Variants in KCNIP1 observed in about 807,000 individuals in gnomAD.
The protein encoded by KCNIP1 is A-type potassium channel modulatory protein KCNIP1.
KCNIP1 carries 18 observed loss-of-function variants against 33.0 expected under a neutral mutation model. The ratio of observed to expected loss-of-function variants is 0.55; its 90% CI spans 0.38 to 0.81. KCNIP1 has a LOEUF of 0.81. KCNIP1 is among the 30% of genes least tolerant of loss of function. KCNIP1 has a pLI of 0.00. For synonymous variants in KCNIP1, 93 were observed against 98.3 expected, an observed-to-expected ratio of 0.95 and a Z score of 0.32; for missense variants, 238 against 271.6, an observed-to-expected ratio of 0.88 and a Z score of 0.87.
chr5:170,409,495 C>A (rs1365103225), intron 1 of KCNIP1, among the ~76,000 whole-genome samples: 7 of 152,188 alleles, frequency 4.6e-5, no homozygotes, highest in African/African-American at 1.2e-4. Flanking sequence ...AAACAGTACC[C>A]CATGAATAAG....
chr5:170,455,262 C>G (rs1166625607), intron 1 of KCNIP1, among the ~76,000 whole-genome samples: 1 of 150,242 alleles, frequency 6.7e-6, no homozygotes, highest in Non-Finnish European at 1.5e-5. Context: ...CAACAGAAGT[C>G]TTCCTCCTCC....
At chr5:170,572,039 A>G (rs1011813770) in intron 1 of KCNIP1, among the ~76,000 whole-genome samples, 1 of 152,146 alleles carries the variant, frequency 6.6e-6, no homozygotes, top group African/African-American at 2.4e-5. Context: ...GTCTACTTGT[A>G]GGAACAATGA....
At chr5:170,604,664 G>A (rs922830024) in intron 1 of KCNIP1, among the ~76,000 whole-genome samples, 1 of 152,192 alleles carries the variant, frequency 6.6e-6, no homozygotes, top group Admixed American at 6.5e-5. Flanking sequence ...GGTATGTAGT[G>A]GAAGCTGGAG....
At chr5:170,372,356 C>T (rs1028770685) in intron 1 of KCNIP1, among the ~76,000 whole-genome samples, 1 of 152,108 alleles carries the variant, frequency 6.6e-6, no homozygotes, top group Non-Finnish European at 1.5e-5. Context: ...CCCAGAAGCC[C>T]CCCAAACCCT....
At chr5:170,545,972 A>T (rs1006804623) in intron 1 of KCNIP1, among the ~76,000 whole-genome samples, 3 of 152,256 alleles carry the variant, frequency 2.0e-5, no homozygotes, top group African/African-American at 4.8e-5. Context: ...CAGCTGATAC[A>T]TTCCACCAGA....
In KCNIP1 at chr5:170,623,623, A is replaced by C. The variant is rs1202065029; in HGVS notation, c.62-95135A>C. ...TCTCCCCTCAGACGAAACCGATGCG[A>C]AAAGTGCTTCATGAAGTTTCAGGTA... On this transcript the variant is annotated intron_variant, in intron 1 of 7. Transcript: ENST00000328939. Among the ~76,000 whole-genome samples, 9 of 152,152 alleles carry C rather than the reference A, an allele frequency of 5.9e-5. 1 individual carries two copies. Among genetic ancestry groups the C allele is most frequent in the Admixed American group, 5.9e-4 (9 of 15,274 alleles).
intron 1 of KCNIP1, among the ~76,000 whole-genome samples, chr5:170,410,303 G>A (rs1366998053): frequency 1.7e-5 from 2 of 115,996 alleles, no homozygotes; most frequent in African/African-American, 7.5e-5. Flanking sequence ...CCCCACTCAG[G>A]AGATCGCAGA....
At chr5:170,732,606 A>C (rs1344988658) in intron 5 of KCNIP1, among the ~76,000 whole-genome samples, 194 bp from the exon 6 acceptor site, 4 of 152,014 alleles carry the variant, frequency 2.6e-5, no homozygotes, top group African/African-American at 9.7e-5. Context: ...ATTGTCTACC[A>C]TCTCCTCTCT....
At chr5:170,572,482 C>T (rs1026609859) in intron 1 of KCNIP1, among the ~76,000 whole-genome samples, 2 of 152,136 alleles carry the variant, frequency 1.3e-5, no homozygotes, top group African/African-American at 2.4e-5. Flanking sequence ...CAAACCCCAG[C>T]GCCAAAGGAA....
chr5:170,500,717 C>T (rs143100792), upstream of KCNIP1, among the ~76,000 whole-genome samples: 21 of 152,240 alleles, frequency 1.4e-4, no homozygotes, highest in East Asian at 3.9e-3. Context: ...ATGTTGGCTG[C>T]ATTGTACAGT....
chr5:170,652,462 G>T (rs1045686266), intron 1 of KCNIP1, among the ~76,000 whole-genome samples: 1 of 141,020 alleles, frequency 7.1e-6, no homozygotes, highest in African/African-American at 2.7e-5. Flanking sequence ...TCCAGCCTGG[G>T]CAACAGATTG....
intron 1 of KCNIP1, among the ~76,000 whole-genome samples, chr5:170,694,561 T>C (rs1762829078): frequency 6.6e-6 from 1 of 152,234 alleles, no homozygotes; most frequent in African/African-American, 2.4e-5. Flanking sequence ...TTACAGTTCA[T>C]ATTTCAACTC....
intron 1 of KCNIP1, among the ~76,000 whole-genome samples, chr5:170,369,061 G>A (rs1159586727): frequency 6.6e-6 from 1 of 152,242 alleles, no homozygotes; most frequent in Non-Finnish European, 1.5e-5. Flanking sequence ...TTGCATTGTA[G>A]TTGGATATTT....
intron 1 of KCNIP1, among the ~76,000 whole-genome samples, chr5:170,517,624 T>C (rs1755180416): frequency 6.6e-6 from 1 of 151,504 alleles, no homozygotes; most frequent in South Asian, 2.1e-4. Flanking sequence ...ATAATAGTAA[T>C]GATGGTGATA....
chr5:170,573,905 T>C (rs1257570753), intron 1 of KCNIP1, among the ~76,000 whole-genome samples: 1 of 151,898 alleles, frequency 6.6e-6, no homozygotes, highest in Non-Finnish European at 1.5e-5. Flanking sequence ...CTTATGTTTG[T>C]GCTTCCAGCT....
rs1756948788 is a variant in KCNIP1 at position 170,559,271 on chromosome 5, T to A, written c.61+54638T>A. 2.0e-5 allele frequency among the ~76,000 whole-genome samples: 3 copies of A among 152,252 alleles called. No homozygotes were observed. In the South Asian group the frequency reaches 6.2e-4, roughly 31 times the overall value. On this transcript the variant is annotated intron_variant, in intron 1 of 7. Transcript: ENST00000328939. ...TTCTAGTCCCAAGGCATTGTGTATA[T>A]CATTCTTATGTAAGTTATCACAATA...
chr5:170,541,433 C>A (rs1756206954), intron 1 of KCNIP1, among the ~76,000 whole-genome samples: 1 of 152,194 alleles, frequency 6.6e-6, no homozygotes, highest in Non-Finnish European at 1.5e-5. Context: ...TGAGTGCTAC[C>A]AGCTCCATTA....
chr5:170,380,997 A>G (rs187028592), intron 1 of KCNIP1, among the ~76,000 whole-genome samples: 1 of 152,208 alleles, frequency 6.6e-6, no homozygotes, highest in African/African-American at 2.4e-5. Context: ...GCTATTATTA[A>G]TAATAATATG....
intron 1 of KCNIP1, among the ~76,000 whole-genome samples, chr5:170,549,053 A>AAC (rs548363496): frequency 6.6e-4 from 100 of 152,210 alleles, no homozygotes; most frequent in African/African-American, 2.1e-3. Flanking sequence ...TTGGCTTCTG[A>AAC]ACACCCAAAA....
Sources: allele counts gnomAD v4.1 joint callset (sites outside exome capture counted in the v4.1 genomes callset), GRCh38; gene constraint gnomAD v4.1.1; transcripts MANE v1.5; gene names NCBI Gene and HGNC (gene_info 2026-07-23, HGNC 2026-07-21).